MAN1C1: variants seen among roughly 807,000 people sequenced by gnomAD.
MAN1C1 encodes the protein mannosyl-oligosaccharide 1,2-alpha-mannosidase IC.
Under a neutral mutation model 71.5 loss-of-function variants are expected in MAN1C1, and 49 were observed. The ratio of observed to expected loss-of-function variants is 0.69; its 90% confidence interval spans 0.54 to 0.87. The LOEUF is 0.87. Ranked by LOEUF, MAN1C1 falls within the 40% of genes least tolerant of loss-of-function variation. The pLI, the probability that MAN1C1 is intolerant of heterozygous loss-of-function variation, is 0.00. For synonymous variants in MAN1C1, 352 were observed against 343.7 expected, an observed-to-expected ratio of 1.02 and a Z score of -0.27; for missense variants, 743 against 835.0, an observed-to-expected ratio of 0.89 and a Z score of 1.36.
chr1:25,714,931 CA>C (rs1160481114), intron 2 of MAN1C1, among the ~76,000 whole-genome samples: 2 of 151,964 alleles, frequency 1.3e-5, no homozygotes, highest in African/African-American at 2.4e-5. Flanking sequence ...TTGCAAGATG[CA>C]AAAAAACTCA....
chr1:25,665,061 A>G (rs978544223), intron 1 of MAN1C1, among the ~76,000 whole-genome samples: 1 of 152,220 alleles, frequency 6.6e-6, no homozygotes, highest in Admixed American at 6.5e-5. Context: ...CCATTCCCAC[A>G]AAGGTGCACG....
At chr1:25,671,308 G>A (rs1242226121) in intron 1 of MAN1C1, among the ~76,000 whole-genome samples, 1 of 152,202 alleles carries the variant, frequency 6.6e-6, no homozygotes, top group Non-Finnish European at 1.5e-5. Flanking sequence ...CCCAGTGGGT[G>A]GCACACAGTA....
chr1:25,645,523 C>T (rs1159414218), intron 1 of MAN1C1: 1 of 152,258 alleles, frequency 6.6e-6, no homozygotes, highest in African/African-American at 2.4e-5. Flanking sequence ...CTTCATTGCT[C>T]TCGAGGAAAG....
intron 8 of MAN1C1, chr1:25,772,046 G>A: frequency 2.5e-6 from 1 of 399,758 alleles, no homozygotes; most frequent in South Asian, 3.2e-5. Flanking sequence ...CTCACGGGAA[G>A]TGACCGTCAG....
chr1:25,778,063 C>T lies in MAN1C1; in HGVS notation c.1258-42C>T. 1 of 1,441,464 alleles carries T rather than the reference C, an allele frequency of 6.9e-7. No homozygotes were observed. The highest frequency in any genetic ancestry group is 9.4e-7 in the Non-Finnish European group (1 of 1,062,988). The allele number at this position is 1,441,464 out of a possible 1,614,324, so 89.3% of individuals were successfully genotyped here. ...CCTTTCCCCCCCTTCTCTGTGCCCT[C>T]CCACGCCCCTTCTCCCTGCCCAATC... On this transcript the variant is annotated intron_variant, in intron 8 of 11. Coordinates refer to ENST00000374332, the MANE Select transcript of MAN1C1 (RefSeq NM_020379.4). The surrounding 1 kb of genome is among the most constrained non-coding windows in gnomAD (Gnocchi z 5.5).
At chr1:25,657,859 GCT>G (rs745424693) in intron 1 of MAN1C1, among the ~76,000 whole-genome samples, 1 of 152,226 alleles carries the variant, frequency 6.6e-6, no homozygotes, top group Non-Finnish European at 1.5e-5. Flanking sequence ...TGAGTTGCTT[GCT>G]CTGCATTGAG....
chr1:25,670,221 G>A (rs992276526), intron 1 of MAN1C1, among the ~76,000 whole-genome samples: 53 of 152,356 alleles, frequency 3.5e-4, no homozygotes, highest in African/African-American at 1.2e-3. Context: ...TCTTTAGATG[G>A]AGATTATCAA....
rs1210424736 is a variant in MAN1C1 at position 25,775,549 on chromosome 1, T to TGA, written c.1258-2547_1258-2546dup. ...CTGCTGTCACACGGCACTCAGAGTCTGAGAGAGAGACAGATATACAACAGA... is the reference window on the plus strand; with the variant it reads ...CTGCTGTCACACGGCACTCAGAGTCTGAGAGAGAGAGACAGATATACAACAGA... On this transcript the variant is annotated intron_variant, in intron 8 of 11. Coordinates refer to ENST00000374332, the MANE Select transcript of MAN1C1 (RefSeq NM_020379.4). This position sits in a 1 kb window ranked among gnomAD's most constrained non-coding sequence, Gnocchi z 5.1. Among the ~76,000 whole-genome samples, 1 of 152,160 alleles carries TGA rather than the reference T, an allele frequency of 6.6e-6. No homozygotes were observed.
rs187117183 is a variant in MAN1C1 at position 25,725,580 on chromosome 1, G to T, written c.638-21088G>T. Reference sequence around the variant, plus strand: ...GAGAGTACAGGAGTACTTGTTAGGGGTCCACTAGAGCAAGCCTGCTGAGGG... The same window carrying T: ...GAGAGTACAGGAGTACTTGTTAGGGTTCCACTAGAGCAAGCCTGCTGAGGG... On this transcript the variant is annotated intron_variant, in intron 2 of 11. Transcript: ENST00000374332. The surrounding 1 kb of genome is among the most constrained non-coding windows in gnomAD (Gnocchi z 4.8). Among the ~76,000 whole-genome samples the T allele has an allele frequency of 6.6e-6, 1 of 152,286 alleles. No individual in the cohort carries two copies. Among genetic ancestry groups the T allele is most frequent in the Non-Finnish European group, 1.5e-5 (1 of 68,022 alleles).
chr1:25,686,681 C>A, intron 2 of MAN1C1, 145 bp downstream of exon 2: 1 of 665,762 alleles, frequency 1.5e-6, no homozygotes. Context: ...GTCTGTGTTT[C>A]CTCTGGGCTT....
chr1:25,740,378 G>C (rs2047043965), intron 2 of MAN1C1, among the ~76,000 whole-genome samples: 1 of 152,128 alleles, frequency 6.6e-6, no homozygotes, highest in Non-Finnish European at 1.5e-5. Flanking sequence ...GGGAGCCATG[G>C]GGGGTTTCGA....
intron 1 of MAN1C1, among the ~76,000 whole-genome samples, chr1:25,639,215 T>G (rs75514297): frequency 0.02 from 3,024 of 152,304 alleles, 106 homozygotes; most frequent in African/African-American, 0.068. Flanking sequence ...GGTTTTTGTT[T>G]CTCTGAGATT....
intron 2 of MAN1C1, among the ~76,000 whole-genome samples, chr1:25,736,176 A>G (rs1310845914): frequency 6.6e-6 from 1 of 152,170 alleles, no homozygotes; most frequent in Non-Finnish European, 1.5e-5. Context: ...AGAGTACTGC[A>G]GTCCTATTGG....
intron 1 of MAN1C1, among the ~76,000 whole-genome samples, chr1:25,642,993 A>G (rs2045557444): frequency 6.6e-6 from 1 of 151,974 alleles, no homozygotes; most frequent in Non-Finnish European, 1.5e-5. Context: ...ATTGGAAATG[A>G]CTCATTTGTC....
intron 2 of MAN1C1, among the ~76,000 whole-genome samples, chr1:25,722,021 T>C (rs1161404184): frequency 6.6e-6 from 1 of 152,242 alleles, no homozygotes; most frequent in Non-Finnish European, 1.5e-5. Context: ...GAAACTCTAT[T>C]CTACTCTCAC....
Position 25,783,891 on chromosome 1 carries a change from G to T in MAN1C1, c.*102G>T. On this transcript the variant is annotated 3_prime_UTR_variant, in exon 12 of 12. Coordinates refer to ENST00000374332, the MANE Select transcript of MAN1C1 (RefSeq NM_020379.4). ...GATTGGGAACGAAGGCCCCATCTCG[G>T]GCAGACCCCCAGCAGATGTGTCGGA... 7.0e-7 allele frequency: 1 copy of T among 1,438,122 alleles called. No homozygotes were observed. Among genetic ancestry groups the T allele is most frequent in the South Asian group, 1.3e-5 (1 of 77,786 alleles). 89.1% of individuals were successfully genotyped at this position (1,438,122 alleles called of 1,614,324 possible).
chr1:25,624,131 C>T (rs1307080363), intron 1 of MAN1C1, among the ~76,000 whole-genome samples: 1 of 152,148 alleles, frequency 6.6e-6, no homozygotes, highest in African/African-American at 2.4e-5. Flanking sequence ...CTCTGTATTG[C>T]CATGCAGATG....
chr1:25,630,833 A>G (rs2045368085), intron 1 of MAN1C1, among the ~76,000 whole-genome samples: 1 of 152,216 alleles, frequency 6.6e-6, no homozygotes, highest in Non-Finnish European at 1.5e-5. Context: ...TTTTCTAGGT[A>G]TACAGTCATA....
chr1:25,731,913 A>G (rs1288119878), intron 2 of MAN1C1, among the ~76,000 whole-genome samples: 1 of 152,122 alleles, frequency 6.6e-6, no homozygotes, highest in Non-Finnish European at 1.5e-5. Flanking sequence ...CAAACCTACC[A>G]TGCACCTGGC....
Sources: allele counts gnomAD v4.1 joint callset (sites outside exome capture counted in the v4.1 genomes callset), GRCh38; gene constraint gnomAD v4.1.1; non-coding constraint Gnocchi (gnomAD v3.1); transcripts MANE v1.5; gene names NCBI Gene and HGNC (gene_info 2026-07-23, HGNC 2026-07-21).